The following ARL5A variants were observed in gnomAD, a reference collection of about 807,000 sequenced individuals.
The protein encoded by ARL5A is ADP-ribosylation factor-like protein 5A.
In ARL5A, 18 loss-of-function variants were observed where a neutral mutation model predicts 25.9. The observed-to-expected ratio is 0.69, with a 90% CI of 0.48 to 1.03. ARL5A has a LOEUF of 1.03. Among genes scored for constraint, ARL5A ranks in the 50% least tolerant of loss-of-function variants. The pLI, the probability that ARL5A is intolerant of heterozygous loss-of-function variation, is 0.00. For missense variants in ARL5A, 170 were observed against 211.9 expected, an observed-to-expected ratio of 0.80 and a Z score of 1.23; for synonymous variants, 61 against 67.5, an observed-to-expected ratio of 0.90 and a Z score of 0.47.
rs2099829464 is a variant in ARL5A, at chr2:151,801,894, G to T, written c.*1382C>A. ...CAAGAATATGTTTTAACACATTTAG[G>T]ATAAGTTTGTTTACAGTTGTGACAG... On this transcript the variant is annotated 3_prime_UTR_variant, in exon 6 of 6. Transcript: ENST00000295087. The T allele has an allele frequency of 6.6e-6, 1 of 151,938 alleles. No individual in the cohort carries two copies. The highest frequency in any genetic ancestry group is 1.5e-5 in the Non-Finnish European group (1 of 67,942). The allele number at this position is 151,938 out of a possible 1,614,324, so 9.4% of individuals were successfully genotyped here. A position where few individuals can be genotyped will look rare whatever the true frequency, so the allele number is the denominator to read the frequency against.
At position 151,799,667 on chromosome 2, in the gene ARL5A, G is replaced by T. The variant is rs1431112992; in HGVS notation, c.*3609C>A. The stretch of plus-strand genomic sequence containing the variant: ...AGAATTCTAATATTGGCATCTATAT[G>T]CTATACACACTGCAAGCTGGTCTTC... On this transcript the variant is annotated 3_prime_UTR_variant, in exon 6 of 6. Transcript: ENST00000295087. 1 of 152,142 alleles carries T rather than the reference G, an allele frequency of 6.6e-6. No individual in the cohort carries two copies. The highest frequency in any genetic ancestry group is 2.4e-5 in the African/African-American group (1 of 41,430). The allele number at this position is 152,142 out of a possible 1,614,324, so 9.4% of individuals were successfully genotyped here.
chr2:151,823,833 G>A (rs890703039), intron 1 of ARL5A, among the ~76,000 whole-genome samples: 3 of 152,166 alleles, frequency 2.0e-5, no homozygotes, highest in Non-Finnish European at 4.4e-5. Flanking sequence ...CGGGTACTAG[G>A]GGAAGCTGTT....
chr2:151,819,558 C>T (rs1031174957), intron 1 of ARL5A, among the ~76,000 whole-genome samples: 18 of 152,112 alleles, frequency 1.2e-4, no homozygotes, highest in African/African-American at 4.3e-4. Context: ...GTAGGACATA[C>T]CAGTGGAAAA....
chr2:151,824,630 C>G (rs1454229446), intron 1 of ARL5A, among the ~76,000 whole-genome samples: 2 of 152,174 alleles, frequency 1.3e-5, no homozygotes, highest in African/African-American at 4.8e-5. Flanking sequence ...GAGAGCAATA[C>G]AAGGCTATTA....
chr2:151,813,482 T>C (rs1180362119), intron 3 of ARL5A, among the ~76,000 whole-genome samples: 3 of 152,204 alleles, frequency 2.0e-5, no homozygotes, highest in Non-Finnish European at 4.4e-5. Context: ...ACTTCCCTTA[T>C]TAAAAAATGA....
chr2:151,814,387 G>T, intron 2 of ARL5A, 71 bp from the exon 3 acceptor site: 1 of 1,214,340 alleles, frequency 8.2e-7, no homozygotes, highest in South Asian at 1.8e-5. Flanking sequence ...TTTTAATCAA[G>T]GACAAATCAG....
At position 151,828,165 on chromosome 2, in the gene ARL5A, G is replaced by A; in HGVS notation, c.12C>T (p.Leu4=). The change falls in exon 1 of 6, where the codon CTC becomes CTT. Residue 4 remains leucine (L), a synonymous_variant. Coordinates refer to ENST00000295087, the MANE Select transcript of ARL5A (RefSeq NM_012097.4). MGI[L]FTRIWRLFNH... ...TGAACAGTCTCCATATTCTAGTGAA[G>A]AGAATTCCCATTCTCGGGCAGCGGA... 1.2e-6 allele frequency: 2 copies of A among 1,603,540 alleles called. No homozygotes were observed. Among genetic ancestry groups the A allele is most frequent in the Middle Eastern group, 1.7e-4 (1 of 6,046 alleles).
intron 2 of ARL5A, 42 bp downstream of exon 2, chr2:151,815,097 G>C: frequency 6.8e-7 from 1 of 1,465,404 alleles, no homozygotes; most frequent in East Asian, 2.5e-5. Flanking sequence ...GGCCAAAAAA[G>C]TAACTAGAAA....
At chr2:151,804,848 G>A (rs894564560) in intron 5 of ARL5A, among the ~76,000 whole-genome samples, 3 of 152,090 alleles carry the variant, frequency 2.0e-5, no homozygotes, top group Non-Finnish European at 4.4e-5. Flanking sequence ...GAATCAAAAC[G>A]CTAATCAATA....
At chr2:151,810,454 T>C (rs937111289) in intron 4 of ARL5A, 6 of 362,066 alleles carry the variant, frequency 1.7e-5, no homozygotes, top group Non-Finnish European at 2.8e-5. Context: ...ACTGAGTACC[T>C]TGCTCAAACT....
chr2:151,806,213 T>G (rs986042837), intron 5 of ARL5A, among the ~76,000 whole-genome samples: 13 of 152,148 alleles, frequency 8.5e-5, no homozygotes, highest in African/African-American at 3.1e-4. Flanking sequence ...AGGGCAAACT[T>G]CTACTATAGG....
intron 1 of ARL5A, chr2:151,827,892 A>C: frequency 1.8e-6 from 1 of 541,582 alleles, no homozygotes. Context: ...CAATGGGTCT[A>C]TTACGGAAAA....
At chr2:151,808,244 C>A (rs7596744) in intron 4 of ARL5A, among the ~76,000 whole-genome samples, 102,981 of 152,052 alleles carry the variant, frequency 0.68, 38,892 homozygotes, top group Non-Finnish European at 0.84. Flanking sequence ...GTTTTGGTGC[C>A]ACACTTGCAA....
chr2:151,820,660 CAAAAAAAAAAAAAAA>C (rs71410438), intron 1 of ARL5A, among the ~76,000 whole-genome samples: 1 of 45,064 alleles, frequency 2.2e-5, no homozygotes, highest in African/African-American at 1.0e-4. Context: ...ATCCTGTCTC[CAAAAAAAAAAAAAAA>C]AAAAAAAAAA....
intron 3 of ARL5A, among the ~76,000 whole-genome samples, chr2:151,813,871 G>C (rs1051096434): frequency 6.6e-6 from 1 of 151,954 alleles, no homozygotes; most frequent in Non-Finnish European, 1.5e-5. Context: ...AACATAAATA[G>C]AGAGAAATGA....
chr2:151,799,071 T>C lies in ARL5A; in HGVS notation c.*4205A>G, dbSNP rs1435442066. 6.6e-6 allele frequency: 1 copy of C among 152,228 alleles called. No homozygotes were observed. Among genetic ancestry groups the C allele is most frequent in the East Asian group, 1.9e-4 (1 of 5,204 alleles). The allele number at this position is 152,228 out of a possible 1,614,324, so 9.4% of individuals were successfully genotyped here. A position where few individuals can be genotyped will look rare whatever the true frequency, so the allele number is the denominator to read the frequency against. On this transcript the variant is annotated 3_prime_UTR_variant, in exon 6 of 6. Transcript: ENST00000295087. ...TTAACTAGAAAGTTACTTTTTAGCA[T>C]CCAAAATTGTAATTTCTGGCTTTCT... is the stretch of plus-strand genomic sequence containing the variant.
intron 1 of ARL5A, among the ~76,000 whole-genome samples, chr2:151,821,025 G>A (rs1375305839): frequency 2.0e-5 from 3 of 152,188 alleles, no homozygotes; most frequent in African/African-American, 7.2e-5. Context: ...AAAAGGATGA[G>A]TGTGACAAAG....
rs1481488910 is a variant in ARL5A at position 151,801,415 on chromosome 2, A to G, written c.*1861T>C. On this transcript the variant is annotated 3_prime_UTR_variant, in exon 6 of 6. Coordinates refer to ENST00000295087, the MANE Select transcript of ARL5A (RefSeq NM_012097.4). ...GTGGATTTTCTGGGCTACATCACAT[A>G]ATATTTGTCTGGCGAAACCATAATA... The G allele has an allele frequency of 1.3e-5, 2 of 152,190 alleles. No homozygotes were observed. Among genetic ancestry groups the G allele is most frequent in the African/African-American group, 2.4e-5 (1 of 41,456 alleles). 9.4% of individuals were successfully genotyped at this position (152,190 alleles called of 1,614,324 possible).
intron 1 of ARL5A, among the ~76,000 whole-genome samples, chr2:151,815,452 G>A (rs1323553980): frequency 6.6e-6 from 1 of 152,144 alleles, no homozygotes; most frequent in African/African-American, 2.4e-5. Context: ...GGAAGCCATG[G>A]CACTACATTT....
Sources: gnomAD v4.1 joint callset for allele counts (sites outside exome capture counted in the v4.1 genomes callset) on GRCh38, gnomAD v4.1.1 for gene constraint, MANE v1.5 for transcripts, NCBI Gene and HGNC (gene_info 2026-07-23, HGNC 2026-07-21) for gene names.